NDUFS4: variants seen among roughly 807,000 people sequenced by gnomAD.
NDUFS4 encodes the protein NADH dehydrogenase [ubiquinone] iron-sulfur protein 4, mitochondrial.
In NDUFS4, 28 loss-of-function variants were observed where a neutral mutation model predicts 24.3. The observed-to-expected ratio is 1.15, with a 90% CI of 0.85 to 1.58. NDUFS4 has a LOEUF of 1.58. NDUFS4 is among the 40% of genes most tolerant of loss of function. The pLI is 0.00. For missense variants in NDUFS4, 223 were observed against 207.9 expected, an observed-to-expected ratio of 1.07 and a Z score of -0.45; for synonymous variants, 93 against 69.7, an observed-to-expected ratio of 1.34 and a Z score of -1.67.
intron 1 of NDUFS4, among the ~76,000 whole-genome samples, chr5:53,590,124 A>T (rs72751836): frequency 0.44 from 66,575 of 151,730 alleles, 15,135 homozygotes; most frequent in Admixed American, 0.51. Context: ...TGATTTTTTT[A>T]AAAAAATGCC....
At chr5:53,657,718 A>G (rs1440450619) in intron 3 of NDUFS4, among the ~76,000 whole-genome samples, 4 of 152,190 alleles carry the variant, frequency 2.6e-5, no homozygotes, top group South Asian at 4.2e-4. Context: ...TGAGGTCAGG[A>G]GTTCGAGACC....
intron 1 of NDUFS4, among the ~76,000 whole-genome samples, chr5:53,587,422 A>C (rs1378064972): frequency 6.6e-6 from 1 of 152,142 alleles, no homozygotes; most frequent in Non-Finnish European, 1.5e-5. Context: ...GTTAGTGGTT[A>C]GTATTTTGCT....
intron 3 of NDUFS4, among the ~76,000 whole-genome samples, chr5:53,651,827 G>T (rs1435388749): frequency 1.4e-5 from 2 of 147,580 alleles, no homozygotes; most frequent in Non-Finnish European, 3.0e-5. Context: ...AGGCTGGAGT[G>T]CAGTGGGCGA....
At chr5:53,606,837 G>A (rs913081326) in intron 2 of NDUFS4, among the ~76,000 whole-genome samples, 1 of 152,126 alleles carries the variant, frequency 6.6e-6, no homozygotes, top group East Asian at 1.9e-4. Flanking sequence ...TATGCAAACT[G>A]TATCAAGTCT....
chr5:53,591,060 T>A (rs149153715), intron 1 of NDUFS4, among the ~76,000 whole-genome samples: 216 of 152,370 alleles, frequency 1.4e-3, no homozygotes, highest in African/African-American at 4.8e-3. Context: ...TTATTTCACT[T>A]ATCACAATGT....
chr5:53,649,637 G>C (rs1054128662), intron 3 of NDUFS4, among the ~76,000 whole-genome samples: 18 of 152,044 alleles, frequency 1.2e-4, no homozygotes, highest in African/African-American at 4.3e-4. Flanking sequence ...CCTTGACTTT[G>C]CTATTGTGAA....
At chr5:53,612,356 A>G (rs948518484) in intron 2 of NDUFS4, among the ~76,000 whole-genome samples, 1 of 152,078 alleles carries the variant, frequency 6.6e-6, no homozygotes, top group Non-Finnish European at 1.5e-5. Context: ...TTAGTTAGAT[A>G]TGCATCCTCA....
intron 2 of NDUFS4, among the ~76,000 whole-genome samples, chr5:53,635,802 A>G (rs569975434): frequency 6.6e-6 from 1 of 152,340 alleles, no homozygotes; most frequent in East Asian, 1.9e-4. Context: ...TTTCCTTATA[A>G]AAATGCAAAA....
At chr5:53,565,226 TTATTGC>T (rs1748981095) in intron 1 of NDUFS4, among the ~76,000 whole-genome samples, 1 of 152,240 alleles carries the variant, frequency 6.6e-6, no homozygotes, top group African/African-American at 2.4e-5. Context: ...AAACTGATTC[TTATTGC>T]AAGATTTTAT....
intron 2 of NDUFS4, among the ~76,000 whole-genome samples, chr5:53,644,615 T>C (rs1481129512): frequency 4.6e-5 from 7 of 152,072 alleles, no homozygotes; most frequent in African/African-American, 1.4e-4. Flanking sequence ...TGAACCTGAA[T>C]ATTAGAAATT....
At chr5:53,620,714 G>T (rs1326604118) in intron 2 of NDUFS4, among the ~76,000 whole-genome samples, 1 of 152,086 alleles carries the variant, frequency 6.6e-6, no homozygotes, top group Non-Finnish European at 1.5e-5. Flanking sequence ...ACAATGCAAG[G>T]TAAACATCAT....
chr5:53,661,356 G>C lies in NDUFS4; in HGVS notation c.424+2732G>C, dbSNP rs192862205. Among the ~76,000 whole-genome samples, 1,407 of 152,108 alleles carry C rather than the reference G, an allele frequency of 9.3e-3. 17 individuals are homozygous for C. Among genetic ancestry groups the C allele is most frequent in the African/African-American group, 0.032 (1,331 of 41,504 alleles). On this transcript the variant is annotated intron_variant, in intron 4 of 4. Coordinates refer to ENST00000296684, the MANE Select transcript of NDUFS4 (RefSeq NM_002495.4). The stretch of plus-strand genomic sequence containing the variant: ...GAGGGCTCTGTTCTGTTCCATTGGT[G>C]TATATCTCTGTTTTGGTACCAGTAC...
chr5:53,582,241 A>AAATT (rs1554054140), intron 1 of NDUFS4, among the ~76,000 whole-genome samples: 10,051 of 133,858 alleles, frequency 0.075, 464 homozygotes, highest in Middle Eastern at 0.11. Context: ...AAAATAAAAT[A>AAATT]AAATTAAATT....
chr5:53,604,756 T>G (rs921711124), intron 2 of NDUFS4: 3 of 456,160 alleles, frequency 6.6e-6, no homozygotes, highest in Non-Finnish European at 1.3e-5. Flanking sequence ...TTACATTCTG[T>G]GGTCTAGCCA....
In NDUFS4 at chr5:53,619,132, T is replaced by C. The variant is rs1406589403; in HGVS notation, c.177+15602T>C. Among the ~76,000 whole-genome samples the C allele has an allele frequency of 1.6e-4, 24 of 146,916 alleles. No homozygotes were observed. The Admixed American group carries it at 1.6e-3, about 10-fold the overall frequency. On this transcript the variant is annotated intron_variant, in intron 2 of 4. Coordinates refer to ENST00000296684, the MANE Select transcript of NDUFS4 (RefSeq NM_002495.4). ...GTCTCCAAAATAATAATAATAATAA[T>C]AATAATAATTACTGGTTTTAATAGT... is the stretch of plus-strand genomic sequence containing the variant.
chr5:53,582,932 C>T (rs537996762), intron 1 of NDUFS4, among the ~76,000 whole-genome samples: 4 of 152,150 alleles, frequency 2.6e-5, no homozygotes, highest in Non-Finnish European at 2.9e-5. Flanking sequence ...GTCGGAGTCT[C>T]GCTCTGTCAC....
chr5:53,616,133 A>G (rs980989260), intron 2 of NDUFS4, among the ~76,000 whole-genome samples: 5 of 151,926 alleles, frequency 3.3e-5, no homozygotes, highest in Non-Finnish European at 5.9e-5. Context: ...GACAATCTGT[A>G]GTTGTGAAGA....
At chr5:53,630,541 C>T (rs1399484213) in intron 2 of NDUFS4, among the ~76,000 whole-genome samples, 2 of 152,108 alleles carry the variant, frequency 1.3e-5, no homozygotes, top group African/African-American at 4.8e-5. Context: ...TTGGTCTTTT[C>T]ACATAATCGT....
intron 1 of NDUFS4, among the ~76,000 whole-genome samples, chr5:53,599,631 T>G (rs1196358198): frequency 6.6e-6 from 1 of 152,126 alleles, no homozygotes; most frequent in Non-Finnish European, 1.5e-5. Flanking sequence ...CTTTTAAAAT[T>G]TAGAAATGAC....
Sources: allele counts gnomAD v4.1 joint callset (sites outside exome capture counted in the v4.1 genomes callset), GRCh38; gene constraint gnomAD v4.1.1; transcripts MANE v1.5; gene names NCBI Gene and HGNC (gene_info 2026-07-23, HGNC 2026-07-21).